ACO1: variants seen among roughly 807,000 people sequenced by gnomAD.
ACO1 encodes cytoplasmic aconitate hydratase.
ACO1 carries 78 observed loss-of-function variants against 105.1 expected under a neutral mutation model. The ratio of observed to expected loss-of-function variants is 0.74; its 90% CI spans 0.62 to 0.90. The LOEUF (loss-of-function observed/expected upper bound fraction) is 0.90, where lower values mean the gene tolerates loss of function less well. Among genes scored for constraint, ACO1 ranks in the 40% least tolerant of loss-of-function variants. The pLI is 0.00. For synonymous variants in ACO1, 364 were observed against 397.4 expected, an observed-to-expected ratio of 0.92 and a Z score of 1.00; for missense variants, 965 against 1,111.1, an observed-to-expected ratio of 0.87 and a Z score of 1.87.
At chr9:32,447,723 G>A (rs552233796) in intron 19 of ACO1, among the ~76,000 whole-genome samples, 1 of 152,302 alleles carries the variant, frequency 6.6e-6, no homozygotes, top group African/African-American at 2.4e-5. Context: ...TTTGGTCTTT[G>A]ACATTGGTGA....
rs1175438169 is a variant in ACO1 at position 32,454,319 on chromosome 9, G to A, written c.*4208G>A. On this transcript the variant is annotated 3_prime_UTR_variant, in exon 21 of 21. Coordinates refer to ENST00000309951, the MANE Select transcript of ACO1 (RefSeq NM_002197.3). ...TACTCTTGAGAAACATTGAGCTATG[G>A]TTGGTCTGTTGTTTGAAATTCAAAT... The A allele has an allele frequency of 2.0e-5, 3 of 152,222 alleles. No individual in the cohort carries two copies. Among genetic ancestry groups the A allele is most frequent in the African/African-American group, 4.8e-5 (2 of 41,436 alleles). The allele number at this position is 152,222 out of a possible 1,614,324, so 9.4% of individuals were successfully genotyped here. A position where few individuals can be genotyped will look rare whatever the true frequency, so the allele number is the denominator to read the frequency against.
chr9:32,387,970 G>A (rs761332833), intron 1 of ACO1, among the ~76,000 whole-genome samples: 4 of 152,164 alleles, frequency 2.6e-5, no homozygotes, highest in South Asian at 2.1e-4. Context: ...TGGACGTAGC[G>A]GGCAGTAGTA....
chr9:32,399,991 G>A (rs1171409302), intron 1 of ACO1, among the ~76,000 whole-genome samples: 6 of 28,616 alleles, frequency 2.1e-4, no homozygotes, highest in Non-Finnish European at 3.9e-4. Flanking sequence ...TTTTTTTTGC[G>A]ATGGAGTCTC....
intron 1 of ACO1, among the ~76,000 whole-genome samples, chr9:32,387,866 CA>C (rs1286850474): frequency 6.6e-6 from 1 of 152,200 alleles, no homozygotes; most frequent in African/African-American, 2.4e-5. Flanking sequence ...CCTAGACTAT[CA>C]GAACAAGAAC....
chr9:32,397,488 C>T (rs919681163), intron 1 of ACO1, among the ~76,000 whole-genome samples: 1 of 152,138 alleles, frequency 6.6e-6, no homozygotes, highest in Non-Finnish European at 1.5e-5. Flanking sequence ...AGTTGACAAG[C>T]CTTGGTGATA....
intron 1 of ACO1, among the ~76,000 whole-genome samples, chr9:32,400,492 C>T (rs1409297780): frequency 1.3e-5 from 2 of 152,122 alleles, no homozygotes; most frequent in Admixed American, 1.3e-4. Flanking sequence ...AGCTCTTTCT[C>T]TCTGTTGGTG....
intron 4 of ACO1, among the ~76,000 whole-genome samples, chr9:32,410,539 G>A (rs886337658): frequency 4.0e-5 from 6 of 151,640 alleles, no homozygotes; most frequent in African/African-American, 7.3e-5. Flanking sequence ...CAGCCTGGGC[G>A]ACAGAGCAAG....
chr9:32,391,649 A>G (rs1009597994), intron 1 of ACO1, among the ~76,000 whole-genome samples: 11 of 152,362 alleles, frequency 7.2e-5, no homozygotes, highest in African/African-American at 2.6e-4. Flanking sequence ...ACAGACATGT[A>G]TGGAACACTT....
chr9:32,420,528 C>T (rs1001828554), intron 7 of ACO1, among the ~76,000 whole-genome samples: 3 of 152,064 alleles, frequency 2.0e-5, no homozygotes, highest in African/African-American at 7.2e-5. Context: ...TATCTTTCTC[C>T]CAGCTTCCCA....
intron 1 of ACO1, among the ~76,000 whole-genome samples, chr9:32,399,863 A>G (rs1306449605): frequency 3.3e-5 from 5 of 151,750 alleles, no homozygotes; most frequent in Non-Finnish European, 1.5e-5. Flanking sequence ...ATGAAACTGT[A>G]AATCATGGTA....
chr9:32,423,048 G>A lies in ACO1; in HGVS notation c.971-271G>A, dbSNP rs576062625. On this transcript the variant is annotated intron_variant, in intron 8 of 20. Coordinates refer to ENST00000309951, the MANE Select transcript of ACO1 (RefSeq NM_002197.3). ...TAAAGGCTATACCCCAAAAGAGGCG[G>A]GTTATCTATAGATAGAACCAGAATC... 3.3e-5 allele frequency among the ~76,000 whole-genome samples: 5 copies of A among 152,258 alleles called. No homozygotes were observed. The South Asian group carries it at 1.0e-3, about 32-fold the overall frequency.
chr9:32,440,222 C>T (rs1227410817), intron 18 of ACO1, among the ~76,000 whole-genome samples: 3 of 150,868 alleles, frequency 2.0e-5, no homozygotes, highest in Non-Finnish European at 4.4e-5. Context: ...GAGCTGAGAT[C>T]GTGCCACTGC....
In ACO1 at chr9:32,440,531, A is replaced by G; in HGVS notation, c.2314A>G (p.Lys772Glu). 6.2e-7 allele frequency: 1 copy of G among 1,614,000 alleles called. No individual in the cohort carries two copies. Among genetic ancestry groups the G allele is most frequent in the South Asian group, 1.1e-5 (1 of 91,074 alleles). ...CCTTCCCCTGATCGTTCTGGCTGGCAAAGAGTACGGTGCAGGCAGCTCCCG... is the reference window on the plus strand; with the variant it reads ...CCTTCCCCTGATCGTTCTGGCTGGCGAAGAGTACGGTGCAGGCAGCTCCCG... ...AGLPLIVLAG[K>E]EYGAGSSRDW... Residue 772 changes from lysine (K) to glutamate (E), a missense_variant, in exon 19 of 21, where the codon AAA (lysine) becomes GAA (glutamate). Lys to Glu is a moderately conservative substitution (Grantham distance 56). Transcript: ENST00000309951.
chr9:32,421,363 T>C (rs1451458003), intron 8 of ACO1, among the ~76,000 whole-genome samples: 2 of 152,196 alleles, frequency 1.3e-5, no homozygotes, highest in African/African-American at 4.8e-5. Context: ...CTAGTATGTA[T>C]TTGCTGTCAA....
intron 8 of ACO1, 90 bp downstream of exon 8, chr9:32,421,117 C>A: frequency 1.4e-6 from 2 of 1,381,038 alleles, no homozygotes; most frequent in Non-Finnish European, 2.0e-6. Flanking sequence ...CTCTACCCAA[C>A]AGAAGGCACT....
intron 3 of ACO1, 34 bp from the exon 4 acceptor site, chr9:32,408,480 C>T: frequency 6.2e-7 from 1 of 1,612,084 alleles, no homozygotes; most frequent in Non-Finnish European, 8.5e-7. Context: ...ACATTTAAGG[C>T]TTATTTTCTG....
intron 19 of ACO1, among the ~76,000 whole-genome samples, chr9:32,442,251 CA>C (rs1234911636): frequency 1.3e-5 from 2 of 151,928 alleles, no homozygotes; most frequent in African/African-American, 4.8e-5. Flanking sequence ...TCACGGTTCT[CA>C]AAATTGTAAG....
intron 7 of ACO1, among the ~76,000 whole-genome samples, chr9:32,419,732 G>T (rs566449602): frequency 6.6e-6 from 1 of 152,116 alleles, no homozygotes. Context: ...TGTATTATAA[G>T]TTACATTATT....
chr9:32,432,762 T>C (rs1356558458), intron 15 of ACO1, among the ~76,000 whole-genome samples: 4 of 152,226 alleles, frequency 2.6e-5, no homozygotes, highest in East Asian at 1.9e-4. Flanking sequence ...TGCTGTGATA[T>C]AGCAATAGAT....
Sources: gnomAD v4.1 joint callset for allele counts (sites outside exome capture counted in the v4.1 genomes callset) on GRCh38, gnomAD v4.1.1 for gene constraint, MANE v1.5 for transcripts, NCBI Gene and HGNC (gene_info 2026-07-23, HGNC 2026-07-21) for gene names.